The following DLG5 variants were observed in gnomAD, a reference collection of about 807,000 sequenced individuals.
The protein encoded by DLG5 is discs large MAGUK scaffold protein 5.
A neutral mutation model predicts 189.8 loss-of-function variants in DLG5; 48 were observed. The ratio of observed to expected loss-of-function variants is 0.25; its 90% CI spans 0.20 to 0.32. DLG5 has a LOEUF of 0.32. DLG5 is among the 10% of genes least tolerant of loss of function. DLG5 has a pLI of 1.00. For synonymous variants in DLG5, 1,016 were observed against 1,054.1 expected (o/e 0.96, Z 0.70); for missense variants, 2,160 against 2,544.7 (o/e 0.85, Z 3.25).
chr10:77,898,965 C>G (rs1056136280), intron 1 of DLG5, among the ~76,000 whole-genome samples: 3 of 152,196 alleles, frequency 2.0e-5, no homozygotes, highest in Admixed American at 6.5e-5. Flanking sequence ...CTAGCCAGTG[C>G]TGGAAAACAG....
intron 1 of DLG5, among the ~76,000 whole-genome samples, chr10:77,911,636 G>A (rs1846224365): frequency 1.3e-5 from 2 of 151,964 alleles, no homozygotes; most frequent in African/African-American, 2.4e-5. Flanking sequence ...AGCAAACTGG[G>A]GTGGACTCTG....
intron 5 of DLG5, among the ~76,000 whole-genome samples, chr10:77,847,094 G>T (rs995466480): frequency 2.0e-5 from 3 of 152,116 alleles, no homozygotes; most frequent in African/African-American, 7.2e-5. Flanking sequence ...AGGGCCGTGT[G>T]AATCAGGCTG....
chr10:77,874,034 C>T (rs956018421), intron 1 of DLG5, among the ~76,000 whole-genome samples: 8 of 152,208 alleles, frequency 5.3e-5, no homozygotes, highest in African/African-American at 1.7e-4. Context: ...GCAGAATGAC[C>T]GAAGGTGCCC....
At chr10:77,826,193 C>A (rs1280714383) in intron 13 of DLG5, among the ~76,000 whole-genome samples, 1 of 152,216 alleles carries the variant, frequency 6.6e-6, no homozygotes, top group African/African-American at 2.4e-5. Flanking sequence ...TATGAAGTAG[C>A]ATGTCAGTGG....
upstream of DLG5, chr10:77,929,581 C>G (rs1846767747): frequency 6.6e-6 from 1 of 152,164 alleles, no homozygotes; most frequent in African/African-American, 2.4e-5. Context: ...AACTGTTGTT[C>G]TTATTAGAAT....
At chr10:77,873,240 C>A (rs1488172514) in intron 1 of DLG5, among the ~76,000 whole-genome samples, 2 of 152,100 alleles carry the variant, frequency 1.3e-5, no homozygotes, top group African/African-American at 4.8e-5. Flanking sequence ...AAGGAACTAC[C>A]TGGGCAACGT....
chr10:77,841,400 C>A (rs1843408273), intron 7 of DLG5, among the ~76,000 whole-genome samples: 1 of 152,202 alleles, frequency 6.6e-6, no homozygotes, highest in African/African-American at 2.4e-5. Context: ...ATCTTCCCAG[C>A]AGGAGCCTGA....
intron 3 of DLG5, 98 bp from the exon 4 acceptor site, chr10:77,854,468 G>C: frequency 2.7e-6 from 4 of 1,502,394 alleles, no homozygotes; most frequent in Non-Finnish European, 3.6e-6. Flanking sequence ...TGGTTCCCCA[G>C]TACTGGTCTT....
chr10:77,852,229 G>A (rs1406649291), intron 5 of DLG5, among the ~76,000 whole-genome samples: 1 of 151,928 alleles, frequency 6.6e-6, no homozygotes, highest in African/African-American at 2.4e-5. Context: ...AAATCAGCCG[G>A]GTATGGTGGC....
intron 11 of DLG5, among the ~76,000 whole-genome samples, 184 bp from the exon 12 acceptor site, chr10:77,829,714 G>A (rs1842811591): frequency 1.3e-5 from 2 of 152,208 alleles, no homozygotes; most frequent in Admixed American, 1.3e-4. Context: ...GACAGCCTGG[G>A]TTCAAATCCT....
At chr10:77,863,049 T>C (rs1844534174) in intron 2 of DLG5, among the ~76,000 whole-genome samples, 1 of 152,180 alleles carries the variant, frequency 6.6e-6, no homozygotes, top group Admixed American at 6.5e-5. Context: ...AAAAATACAT[T>C]TTACTGTATG....
chr10:77,868,438 T>A, intron 2 of DLG5: 1 of 282,262 alleles, frequency 3.5e-6, no homozygotes, highest in South Asian at 3.5e-5. Flanking sequence ...ATCTCAGGCA[T>A]GTGACTCCCC....
At chr10:77,905,977 C>G (rs1455760610) in intron 1 of DLG5, among the ~76,000 whole-genome samples, 1 of 152,212 alleles carries the variant, frequency 6.6e-6, no homozygotes, top group Non-Finnish European at 1.5e-5. Context: ...CTGCCTGCCA[C>G]GTGTGCTTCT....
At chr10:77,865,727 A>C (rs1844650231) in intron 2 of DLG5, among the ~76,000 whole-genome samples, 1 of 152,172 alleles carries the variant, frequency 6.6e-6, no homozygotes, top group South Asian at 2.1e-4. Flanking sequence ...CAACAGGCGC[A>C]GGAAGCGGGG....
At chr10:77,935,385 G>A in the DLG5 span, among the ~76,000 whole-genome samples, 1 of 152,136 alleles carries the variant, frequency 6.6e-6, no homozygotes, top group South Asian at 2.1e-4. Flanking sequence ...ACCAGGCTTT[G>A]CTTTTGGAGA....
At chr10:77,869,105 T>C (rs1844800481) in intron 2 of DLG5, 24 bp downstream of exon 2, 8 of 1,610,126 alleles carry the variant, frequency 5.0e-6, no homozygotes, top group Non-Finnish European at 5.9e-6. Context: ...CCACCCGGTG[T>C]CCTCCCCAGA....
Position 77,926,726 on chromosome 10 carries a change from GC to G in DLG5, c.-207del. 6.1e-6 allele frequency: 1 copy of G among 163,560 alleles called. No homozygotes were observed. Among genetic ancestry groups the G allele is most frequent in the Non-Finnish European group, 1.3e-5 (1 of 79,026 alleles). 10.1% of individuals were successfully genotyped at this position (163,560 alleles called of 1,614,324 possible). A position where few individuals can be genotyped will look rare whatever the true frequency, so the allele number is the denominator to read the frequency against. ...GCCGCCTCCCGGGCTCCGGAGCGCAGCCATGTTGGCTGCCGCGGCGGCGGGA... is the reference window on the plus strand; with the variant it reads ...GCCGCCTCCCGGGCTCCGGAGCGCAGCATGTTGGCTGCCGCGGCGGCGGGA... On this transcript the variant is annotated 5_prime_UTR_variant, in exon 1 of 32. The change abolishes the stop of an existing upstream ORF in the 5' untranslated region. Transcript: ENST00000372391. The surrounding 1 kb of genome is among the most constrained non-coding windows in gnomAD (Gnocchi z 5.2).
upstream of DLG5, chr10:77,927,682 T>C (rs750802930): frequency 6.6e-6 from 1 of 152,214 alleles, no homozygotes; most frequent in Non-Finnish European, 1.5e-5. Flanking sequence ...TCCCCCTAAA[T>C]GTCTCAGAGG....
At position 77,829,581 on chromosome 10, in the gene DLG5, G is replaced by A. The variant is rs115462900; in HGVS notation, c.2010-51C>T. On this transcript the variant is annotated intron_variant, in intron 11 of 31. Transcript: ENST00000372391. ...CACCCACACAGGCTGTGGGACCAGC[G>A]GCTACCGCCCACAACTCTCACTCAG... 1,221 of 1,542,606 alleles carry A rather than the reference G, an allele frequency of 7.9e-4. 13 individuals are homozygous for A. The African/African-American group carries it at 0.014, about 18-fold the overall frequency.
Sources: gnomAD v4.1 joint callset for allele counts (sites outside exome capture counted in the v4.1 genomes callset) on GRCh38, gnomAD v4.1.1 for gene constraint, Gnocchi (gnomAD v3.1) non-coding constraint, MANE v1.5 for transcripts, NCBI Gene and HGNC (gene_info 2026-07-23, HGNC 2026-07-21) for gene names.